The following PIK3R1 variants were observed in gnomAD, a reference collection of about 807,000 sequenced individuals.
The protein encoded by PIK3R1 is phosphatidylinositol 3-kinase regulatory subunit alpha.
PIK3R1 carries 29 observed loss-of-function variants against 98.0 expected under a neutral mutation model. The ratio of observed to expected loss-of-function variants is 0.30; its 90% CI spans 0.22 to 0.40. The LOEUF (loss-of-function observed/expected upper bound fraction) is 0.40. Among genes scored for constraint, PIK3R1 ranks in the 10% least tolerant of loss-of-function variants. The probability of loss-of-function intolerance (pLI) is 1.00; values close to 1 mark genes in which losing one functional copy is unlikely to be tolerated. For missense variants in PIK3R1, 596 were observed against 872.7 expected (o/e 0.68, Z 3.99); for synonymous variants, 282 against 311.8 (o/e 0.90, Z 1.01).
intron 2 of PIK3R1, among the ~76,000 whole-genome samples, chr5:68,233,112 C>A (rs963244258): frequency 2.6e-5 from 4 of 152,164 alleles, no homozygotes; most frequent in Non-Finnish European, 5.9e-5. Context: ...ACAACAAATG[C>A]TGACTTACAT....
chr5:68,284,354 G>A (rs1052215540), intron 7 of PIK3R1, among the ~76,000 whole-genome samples: 6 of 152,158 alleles, frequency 3.9e-5, no homozygotes, highest in African/African-American at 1.4e-4. Context: ...GGAGCCTGTA[G>A]GGGCTAAAAG....
intron 1 of PIK3R1, chr5:68,217,625 T>TGTGGGG (rs1554044184): frequency 1.4e-5 from 2 of 140,302 alleles, no homozygotes; most frequent in Non-Finnish European, 3.1e-5. Flanking sequence ...GAGTAATGTG[T>TGTGGGG]GGGGGTGTGT....
rs897527905 is a variant in PIK3R1 at position 68,300,234 on chromosome 5, C to T, written c.*2633C>T. 12 of 233,006 alleles carry T rather than the reference C, an allele frequency of 5.2e-5. No homozygotes were observed. Among genetic ancestry groups the T allele is most frequent in the African/African-American group, 2.2e-4 (10 of 45,358 alleles). 14.4% of individuals were successfully genotyped at this position (233,006 alleles called of 1,614,324 possible). On this transcript the variant is annotated 3_prime_UTR_variant, in exon 16 of 16. Transcript: ENST00000521381. ...AACAGCAAAGTAGGATTCATCATTC[C>T]ATATGACTTGAGTTACACCAGACCT...
intron 7 of PIK3R1, among the ~76,000 whole-genome samples, chr5:68,284,842 C>T (rs575694813): frequency 9.4e-5 from 14 of 148,584 alleles, no homozygotes; most frequent in Non-Finnish European, 2.0e-4. Flanking sequence ...ATACATCCAG[C>T]AATCCTGGGA....
chr5:68,264,759 G>A (rs1254632507), intron 2 of PIK3R1, among the ~76,000 whole-genome samples: 4 of 152,058 alleles, frequency 2.6e-5, no homozygotes, highest in Non-Finnish European at 5.9e-5. Flanking sequence ...CTGGGTCCTC[G>A]GCTTGAACTT....
rs1460911007 is a variant in PIK3R1 at position 68,280,634 on chromosome 5, C to T, written c.741C>T (p.Phe247=). The change falls in exon 6 of 16, where the codon TTC becomes TTT. Residue 247 remains phenylalanine, a synonymous_variant. Transcript: ENST00000521381. ...WLTLQYLLKH[F]FKLSQTSSKN... ...CGCTTCAGTATTTGTTAAAACATTT[C>T]TTCAAGCTCTCTCAAACCTCCAGCA... The T allele has an allele frequency of 6.2e-7, 1 of 1,613,860 alleles. No individual in the cohort carries two copies. Among genetic ancestry groups the T allele is most frequent in the African/African-American group, 1.3e-5 (1 of 74,984 alleles).
rs1282867961 is a variant in PIK3R1 at position 68,297,499 on chromosome 5, G to A, written c.2073G>A (p.Leu691=). The change falls in exon 16 of 16, where the codon CTG becomes CTA. Residue 691 remains leucine, a synonymous_variant. Transcript: ENST00000521381. The stretch of plus-strand genomic sequence containing the variant: ...AGCCCTATAACTTGTACAGCTCTCT[G>A]AAAGAACTGGTGCTACATTACCAAC... The part of the protein sequence containing the change: ...FAEPYNLYSS[L]KELVLHYQHT... The A allele has an allele frequency of 6.2e-7, 1 of 1,614,192 alleles. No individual in the cohort carries two copies. The highest frequency in any genetic ancestry group is 8.5e-7 in the Non-Finnish European group (1 of 1,180,004).
intron 7 of PIK3R1, among the ~76,000 whole-genome samples, chr5:68,284,080 G>A (rs747765019): frequency 6.6e-6 from 1 of 152,160 alleles, no homozygotes; most frequent in African/African-American, 2.4e-5. Context: ...CAACTCTCTC[G>A]AGTAACTCAG....
At chr5:68,288,793 G>T in intron 7 of PIK3R1, 1 of 1,594,406 alleles carries the variant, frequency 6.3e-7, no homozygotes, top group South Asian at 1.1e-5. Flanking sequence ...TTCCTTATCT[G>T]AGCGGTGCCT....
intron 15 of PIK3R1, among the ~76,000 whole-genome samples, chr5:68,297,063 C>G (rs1041229371): frequency 6.6e-6 from 1 of 152,194 alleles, no homozygotes; most frequent in Non-Finnish European, 1.5e-5. Flanking sequence ...TGGAGCACTG[C>G]AGATAGTTGT....
At chr5:68,271,904 A>G (rs1746376519) in intron 2 of PIK3R1, among the ~76,000 whole-genome samples, 1 of 152,216 alleles carries the variant, frequency 6.6e-6, no homozygotes. Context: ...CATTACTTTC[A>G]TAACGTGAAT....
Position 68,273,403 on chromosome 5 carries a change from G to C in PIK3R1, c.348G>C (p.Pro116=). The change falls in exon 3 of 16, where the codon CCG becomes CCC. Residue 116 remains proline (P), a synonymous_variant. Coordinates refer to ENST00000521381, the MANE Select transcript of PIK3R1 (RefSeq NM_181523.3). ...ADVEQQALTL[P]DLAEQFAPPD... ...TGTTGTTTGCAGCTTTGACTCTCCCGGATCTTGCAGAGCAGTTTGCCCCTC... is the reference window on the plus strand; with the variant it reads ...TGTTGTTTGCAGCTTTGACTCTCCCCGATCTTGCAGAGCAGTTTGCCCCTC... The C allele has an allele frequency of 6.2e-7, 1 of 1,613,960 alleles. No individual in the cohort carries two copies. Among genetic ancestry groups the C allele is most frequent in the Non-Finnish European group, 8.5e-7 (1 of 1,179,948 alleles).
chr5:68,233,668 G>A (rs191598328), intron 2 of PIK3R1, among the ~76,000 whole-genome samples: 1 of 152,238 alleles, frequency 6.6e-6, no homozygotes, highest in African/African-American at 2.4e-5. Context: ...TAGAAACATT[G>A]TTAAAATATA....
intron 2 of PIK3R1, among the ~76,000 whole-genome samples, chr5:68,231,020 C>T (rs539876516): frequency 7.9e-5 from 12 of 152,288 alleles, no homozygotes; most frequent in African/African-American, 2.4e-4. Flanking sequence ...ACACCAACCC[C>T]ATTCAGCCAG....
intron 2 of PIK3R1, among the ~76,000 whole-genome samples, chr5:68,265,025 T>C (rs1044647606): frequency 6.6e-6 from 1 of 152,214 alleles, no homozygotes; most frequent in East Asian, 1.9e-4. Flanking sequence ...ATTGGGATTC[T>C]GTCTCCCACA....
chr5:68,265,641 C>A (rs1259208604), intron 2 of PIK3R1, among the ~76,000 whole-genome samples: 1 of 152,148 alleles, frequency 6.6e-6, no homozygotes, highest in Non-Finnish European at 1.5e-5. Flanking sequence ...AAAGGCCCAT[C>A]TCCAAATATT....
At chr5:68,217,177 T>C (rs995482874) in intron 1 of PIK3R1, among the ~76,000 whole-genome samples, 1 of 152,142 alleles carries the variant, frequency 6.6e-6, no homozygotes. Flanking sequence ...CAACATAAGA[T>C]TGTCATTTTG....
intron 1 of PIK3R1, among the ~76,000 whole-genome samples, chr5:68,225,906 G>A (rs1016201358): frequency 4.6e-5 from 7 of 152,074 alleles, no homozygotes; most frequent in African/African-American, 1.4e-4. Flanking sequence ...ACTAGCGTCC[G>A]ACCACACATG....
chr5:68,276,363 G>A (rs1224643941), intron 4 of PIK3R1, among the ~76,000 whole-genome samples: 2 of 152,222 alleles, frequency 1.3e-5, no homozygotes, highest in Non-Finnish European at 2.9e-5. Context: ...GACATTGCCA[G>A]ATGGCTCATG....
Sources: allele counts gnomAD v4.1 joint callset (sites outside exome capture counted in the v4.1 genomes callset), GRCh38; gene constraint gnomAD v4.1.1; transcripts MANE v1.5; gene names NCBI Gene and HGNC (gene_info 2026-07-23, HGNC 2026-07-21).